TTC33: variants seen among roughly 807,000 people sequenced by gnomAD.
TTC33 encodes the protein tetratricopeptide repeat protein 33.
In TTC33, 24 loss-of-function variants were observed where a neutral mutation model predicts 29.4. The ratio of observed to expected loss-of-function variants is 0.82; its 90% CI spans 0.59 to 1.15. The LOEUF (loss-of-function observed/expected upper bound fraction) is 1.15, where lower values mean the gene tolerates loss of function less well. TTC33 is among the 50% of genes most tolerant of loss of function. The pLI is 0.00. For missense variants in TTC33, 286 were observed against 310.4 expected, an observed-to-expected ratio of 0.92 and a Z score of 0.59; for synonymous variants, 107 against 100.3, an observed-to-expected ratio of 1.07 and a Z score of -0.40.
At chr5:40,748,296 A>T (rs1230937518) in intron 1 of TTC33, among the ~76,000 whole-genome samples, 13 of 152,078 alleles carry the variant, frequency 8.5e-5, no homozygotes, top group African/African-American at 2.9e-4. Context: ...TCCCAGGTTC[A>T]AACAATTCTC....
At chr5:40,717,470 GAT>G (rs1742027127) in intron 4 of TTC33, among the ~76,000 whole-genome samples, 1 of 152,116 alleles carries the variant, frequency 6.6e-6, no homozygotes, top group Non-Finnish European at 1.5e-5. Context: ...CTACAGTCTG[GAT>G]AAAGGTCAAC....
At chr5:40,738,547 T>TACAATAAAATAAAATAA in intron 2 of TTC33, among the ~76,000 whole-genome samples, 1 of 125,134 alleles carries the variant, frequency 8.0e-6, no homozygotes, top group African/African-American at 3.0e-5. Context: ...TACAATAAAA[T>TACAATAAAATAAAATAA]AAAATAAAAT....
At chr5:40,748,285 C>T (rs771880267) in intron 1 of TTC33, among the ~76,000 whole-genome samples, 2 of 152,114 alleles carry the variant, frequency 1.3e-5, no homozygotes, top group Non-Finnish European at 2.9e-5. Context: ...CAACCTCTGC[C>T]TCCCAGGTTC....
At chr5:40,718,331 C>T (rs887829823) in intron 4 of TTC33, among the ~76,000 whole-genome samples, 2 of 151,264 alleles carry the variant, frequency 1.3e-5, no homozygotes, top group Non-Finnish European at 2.9e-5. Flanking sequence ...GTTTGAACCC[C>T]GGAGGCAGAG....
At chr5:40,737,818 T>A (rs1347096983) in intron 2 of TTC33, among the ~76,000 whole-genome samples, 1 of 152,222 alleles carries the variant, frequency 6.6e-6, no homozygotes, top group African/African-American at 2.4e-5. Context: ...TAGACAGATT[T>A]ATAAAATTGG....
At chr5:40,719,196 T>A (rs1161264969) in intron 4 of TTC33, among the ~76,000 whole-genome samples, 1 of 152,178 alleles carries the variant, frequency 6.6e-6, no homozygotes, top group East Asian at 1.9e-4. Context: ...GAAAATTCCA[T>A]ACCTACTGGC....
chr5:40,739,071 G>A (rs1178205984), intron 2 of TTC33, among the ~76,000 whole-genome samples: 1 of 152,040 alleles, frequency 6.6e-6, no homozygotes, highest in Non-Finnish European at 1.5e-5. Flanking sequence ...ACATACATGT[G>A]GGTCATTTCT....
chr5:40,719,587 G>A (rs1251384125), intron 4 of TTC33, among the ~76,000 whole-genome samples: 1 of 152,132 alleles, frequency 6.6e-6, no homozygotes, highest in East Asian at 1.9e-4. Flanking sequence ...TTTGTCATAT[G>A]ATAACTATAT....
intron 4 of TTC33, among the ~76,000 whole-genome samples, chr5:40,717,698 T>A (rs1381879898): frequency 1.3e-5 from 2 of 152,194 alleles, no homozygotes. Flanking sequence ...CTAAATCTAT[T>A]ATATGTTGTT....
chr5:40,734,199 A>G (rs1486687712), intron 2 of TTC33, among the ~76,000 whole-genome samples: 2 of 152,202 alleles, frequency 1.3e-5, no homozygotes, highest in African/African-American at 4.8e-5. Flanking sequence ...GTTGGCCTGC[A>G]AACAAAGGGT....
chr5:40,729,690 A>AT (rs995975363), intron 3 of TTC33, among the ~76,000 whole-genome samples: 25 of 151,962 alleles, frequency 1.6e-4, no homozygotes, highest in Non-Finnish European at 3.5e-4. Flanking sequence ...CTTTTTATTT[A>AT]TTTTTTATTT....
At chr5:40,738,475 AATACAATAC>A (rs1742607648) in intron 2 of TTC33, among the ~76,000 whole-genome samples, 1 of 137,122 alleles carries the variant, frequency 7.3e-6, no homozygotes, top group African/African-American at 2.8e-5. Context: ...AATACAATAC[AATACAATAC>A]AATACAATAC....
intron 2 of TTC33, among the ~76,000 whole-genome samples, chr5:40,740,253 T>TTAAGG: frequency 6.6e-6 from 1 of 151,812 alleles, no homozygotes; most frequent in Non-Finnish European, 1.5e-5. Flanking sequence ...CTTTCATTCT[T>TTAAGG]TACTTAGACA....
chr5:40,742,635 G>A (rs1392548275), intron 2 of TTC33, among the ~76,000 whole-genome samples: 1 of 152,104 alleles, frequency 6.6e-6, no homozygotes, highest in Non-Finnish European at 1.5e-5. Flanking sequence ...ACAGGGGAAT[G>A]GGAAGAGTAA....
At chr5:40,755,521 C>A (rs1742968845) in intron 1 of TTC33, among the ~76,000 whole-genome samples, 2 of 152,228 alleles carry the variant, frequency 1.3e-5, no homozygotes, top group South Asian at 2.1e-4. Context: ...GCCCGTCCCA[C>A]CGCTCAGGGA....
In TTC33 at chr5:40,716,260, A is replaced by G. The variant is rs1386738555; in HGVS notation, c.674T>C (p.Val225Ala). ...AATAACCATTGTTTTATTTGCTGAA[A>G]CTGTCTTCTCTTTCTCAGCAATAGC... is the stretch of plus-strand genomic sequence containing the variant. Reference protein sequence around the residue: ...CAAIAEKEKTVSANKTMVIVS... With the variant: ...CAAIAEKEKTASANKTMVIVS... The change falls in exon 5 of 5, where the codon GTT (valine) becomes GCT (alanine). Residue 225 changes from valine to alanine, a missense_variant. By Grantham distance (64) the Val-to-Ala change is moderately conservative (BLOSUM62 0). Coordinates refer to ENST00000337702, the MANE Select transcript of TTC33 (RefSeq NM_012382.3). 1.3e-5 allele frequency: 21 copies of G among 1,614,220 alleles called. No individual in the cohort carries two copies. Among genetic ancestry groups the G allele is most frequent in the Non-Finnish European group, 1.7e-5 (20 of 1,180,048 alleles).
chr5:40,733,335 T>C (rs1401262719), intron 2 of TTC33, among the ~76,000 whole-genome samples: 2 of 152,144 alleles, frequency 1.3e-5, no homozygotes, highest in East Asian at 1.9e-4. Context: ...TTTTAGGTTT[T>C]GTGAACCATA....
intron 2 of TTC33, among the ~76,000 whole-genome samples, chr5:40,739,797 G>A (rs1444227918): frequency 1.3e-5 from 2 of 152,100 alleles, no homozygotes; most frequent in African/African-American, 4.8e-5. Flanking sequence ...ACTAATACAA[G>A]TATAGTGTAT....
In TTC33 at chr5:40,746,966, G is replaced by A. The variant is rs1367184967; in HGVS notation, c.53C>T (p.Thr18Ile). The A allele has an allele frequency of 1.2e-6, 2 of 1,614,116 alleles. No homozygotes were observed. The highest frequency in any genetic ancestry group is 1.1e-5 in the South Asian group (1 of 91,080). The change falls in exon 2 of 5, where the codon ACT becomes ATT. Residue 18 changes from threonine to isoleucine, a missense_variant. By Grantham distance (89) the Thr-to-Ile change is moderately conservative. Transcript: ENST00000337702. The stretch of plus-strand genomic sequence containing the variant: ...AGCTTCAGCTTCAAACTGCTGGGAA[G>A]TGACCTTTGAGACCTTCTCACCAAT... ...RKIGEKVSKV[T>I]SQQFEAEAAD... is the part of the protein sequence containing the mutation.
Sources: allele counts gnomAD v4.1 joint callset (sites outside exome capture counted in the v4.1 genomes callset), GRCh38; gene constraint gnomAD v4.1.1; transcripts MANE v1.5; gene names NCBI Gene and HGNC (gene_info 2026-07-23, HGNC 2026-07-21).